The following COL24A1 variants were observed in gnomAD, a reference collection of about 807,000 sequenced individuals.
COL24A1 encodes collagen alpha-1(XXIV) chain.
A neutral mutation model predicts 253.9 loss-of-function variants in COL24A1; 224 were observed. The observed-to-expected ratio is 0.88, with a 90% CI of 0.79 to 0.99. The LOEUF (loss-of-function observed/expected upper bound fraction) is 0.99. Among genes scored for constraint, COL24A1 ranks in the 50% least tolerant of loss-of-function variants. The probability of loss-of-function intolerance (pLI) is 0.00; values close to 1 mark genes in which losing one functional copy is unlikely to be tolerated. For synonymous variants in COL24A1, 685 were observed against 673.7 expected (o/e 1.02, Z -0.26); for missense variants, 2,131 against 2,068.5 (o/e 1.03, Z -0.59).
At chr1:85,986,726 A>G (rs922119109) in intron 20 of COL24A1, among the ~76,000 whole-genome samples, 2 of 151,988 alleles carry the variant, frequency 1.3e-5, no homozygotes, top group East Asian at 1.9e-4. Flanking sequence ...GTGCTGCTCA[A>G]TATTAAGAAC....
chr1:85,771,026 C>T (rs17128273), intron 53 of COL24A1, among the ~76,000 whole-genome samples: 1,533 of 152,214 alleles, frequency 0.01, 59 homozygotes, highest in Admixed American at 0.064. Flanking sequence ...CACAGTGATC[C>T]GGGAAGAAGT....
At chr1:85,818,799 A>T (rs1306564257) in intron 45 of COL24A1, among the ~76,000 whole-genome samples, 1 of 152,182 alleles carries the variant, frequency 6.6e-6, no homozygotes, top group Non-Finnish European at 1.5e-5. Context: ...TAAGAAAAGG[A>T]ATCATGTTGT....
At chr1:85,920,932 A>G (rs563389997) in intron 24 of COL24A1, among the ~76,000 whole-genome samples, 1 of 152,134 alleles carries the variant, frequency 6.6e-6, no homozygotes, top group Admixed American at 6.5e-5. Context: ...AGAGGTAGAA[A>G]AAAAAAAACA....
chr1:85,907,526 C>T (rs1436657707), intron 27 of COL24A1, among the ~76,000 whole-genome samples: 1 of 151,814 alleles, frequency 6.6e-6, no homozygotes, highest in Admixed American at 6.6e-5. Context: ...AGAAGGAACA[C>T]ATATGGAGTG....
At chr1:86,017,818 A>G (rs1180633522) in intron 18 of COL24A1, among the ~76,000 whole-genome samples, 1 of 152,210 alleles carries the variant, frequency 6.6e-6, no homozygotes, top group Admixed American at 6.5e-5. Context: ...ATGTCAACCA[A>G]TTTTACAATC....
At chr1:86,102,659 GTTAT>G (rs1704573042) in intron 5 of COL24A1, among the ~76,000 whole-genome samples, 1 of 152,148 alleles carries the variant, frequency 6.6e-6, no homozygotes, top group Non-Finnish European at 1.5e-5. Context: ...GCAGGAGAAG[GTTAT>G]TTAATTTCAA....
At chr1:85,963,561 C>T (rs2100696594) in intron 23 of COL24A1, among the ~76,000 whole-genome samples, 1 of 152,110 alleles carries the variant, frequency 6.6e-6, no homozygotes, top group African/African-American at 2.4e-5. Flanking sequence ...AGCTATTTCC[C>T]CAGGCCTAGA....
intron 43 of COL24A1, among the ~76,000 whole-genome samples, chr1:85,831,970 C>G (rs1047971292): frequency 2.0e-5 from 3 of 152,020 alleles, no homozygotes; most frequent in African/African-American, 7.2e-5. Flanking sequence ...GTTGACATTG[C>G]TTTTGGTGTT....
At chr1:85,742,448 C>G (rs546393822) in intron 57 of COL24A1, among the ~76,000 whole-genome samples, 1 of 152,186 alleles carries the variant, frequency 6.6e-6, no homozygotes, top group South Asian at 2.1e-4. Context: ...TCATTTCTTC[C>G]TTTACTTACT....
intron 53 of COL24A1, among the ~76,000 whole-genome samples, chr1:85,763,554 C>T (rs1213982517): frequency 5.8e-5 from 8 of 137,638 alleles, no homozygotes; most frequent in East Asian, 2.2e-4. Context: ...TGCAGTGGTG[C>T]GATCTCGGCT....
intron 24 of COL24A1, among the ~76,000 whole-genome samples, chr1:85,927,084 C>T (rs10782562): frequency 0.68 from 102,968 of 151,848 alleles, 35,180 homozygotes; most frequent in East Asian, 0.79. Context: ...GGAGCCAAGA[C>T]GGCCGAATAG....
chr1:85,775,888 CAA>C (rs1477040914), intron 52 of COL24A1, among the ~76,000 whole-genome samples, 179 bp from the exon 53 acceptor site: 1 of 152,008 alleles, frequency 6.6e-6, no homozygotes, highest in Non-Finnish European at 1.5e-5. Flanking sequence ...GCAAAGCAAA[CAA>C]AAAACCCTTA....
At chr1:86,148,699 A>T (rs1652283542) in intron 1 of COL24A1, among the ~76,000 whole-genome samples, 3 of 152,318 alleles carry the variant, frequency 2.0e-5, no homozygotes, top group Middle Eastern at 3.4e-3. Context: ...TCATGGCTGC[A>T]TAGTATTCCA....
intron 6 of COL24A1, among the ~76,000 whole-genome samples, chr1:86,090,048 G>A (rs1360419417): frequency 1.3e-5 from 2 of 152,060 alleles, no homozygotes; most frequent in African/African-American, 2.4e-5. Flanking sequence ...TCCATCCTGC[G>A]TGCCAGCTAC....
chr1:85,739,757 T>C (rs955084906), intron 57 of COL24A1, among the ~76,000 whole-genome samples: 20 of 152,152 alleles, frequency 1.3e-4, no homozygotes, highest in Non-Finnish European at 2.5e-4. Flanking sequence ...GTTCCTTGAA[T>C]TGTATCCTCC....
intron 19 of COL24A1, among the ~76,000 whole-genome samples, chr1:85,987,937 G>A (rs1440996669): frequency 1.1e-4 from 17 of 151,804 alleles, no homozygotes. Flanking sequence ...TATCCACAAT[G>A]TGGAAATAAG....
chr1:85,743,775 A>C (rs1285217901), intron 57 of COL24A1, among the ~76,000 whole-genome samples: 1 of 152,174 alleles, frequency 6.6e-6, no homozygotes, highest in African/African-American at 2.4e-5. Flanking sequence ...TTTAGTTTTT[A>C]TATTAATCTA....
chr1:85,735,909 A>G (rs1375851277), intron 58 of COL24A1, among the ~76,000 whole-genome samples: 1 of 152,120 alleles, frequency 6.6e-6, no homozygotes, highest in Non-Finnish European at 1.5e-5. Flanking sequence ...CAACAAAAAG[A>G]AAAACAGAAA....
chr1:85,998,432 G>A (rs1695070093), intron 19 of COL24A1, among the ~76,000 whole-genome samples: 1 of 152,198 alleles, frequency 6.6e-6, no homozygotes, highest in East Asian at 1.9e-4. Flanking sequence ...TGTTAATATG[G>A]CTAGTTAGCA....
Sources: allele counts gnomAD v4.1 joint callset (sites outside exome capture counted in the v4.1 genomes callset), GRCh38; gene constraint gnomAD v4.1.1; transcripts MANE v1.5; gene names NCBI Gene and HGNC (gene_info 2026-07-23, HGNC 2026-07-21).